The following BBS9 variants were observed in gnomAD, a reference collection of about 807,000 sequenced individuals.
BBS9 encodes protein PTHB1.
Under a neutral mutation model 117.7 loss-of-function variants are expected in BBS9, and 89 were observed. The ratio of observed to expected loss-of-function variants is 0.76; its 90% CI spans 0.64 to 0.90. BBS9 has a LOEUF of 0.90. BBS9 is among the 40% of genes least tolerant of loss of function. The probability of loss-of-function intolerance (pLI) is 0.00; values close to 1 mark genes in which losing one functional copy is unlikely to be tolerated. For synonymous variants in BBS9, 379 were observed against 370.9 expected (o/e 1.02, Z -0.25); for missense variants, 982 against 1,042.2 (o/e 0.94, Z 0.80).
chr7:33,538,957 G>A (rs1280907911), intron 21 of BBS9, among the ~76,000 whole-genome samples: 1 of 152,108 alleles, frequency 6.6e-6, no homozygotes, highest in Non-Finnish European at 1.5e-5. Context: ...CTTCACTATA[G>A]ATTTGTTGGC....
intron 21 of BBS9, among the ~76,000 whole-genome samples, chr7:33,591,528 A>G (rs1861916248): frequency 6.6e-6 from 1 of 151,956 alleles, no homozygotes; most frequent in African/African-American, 2.4e-5. Context: ...ACTTGCCAAC[A>G]CCCGTAAAGT....
intron 5 of BBS9, among the ~76,000 whole-genome samples, chr7:33,225,124 G>A (rs2128245216): frequency 6.6e-6 from 1 of 152,178 alleles, no homozygotes; most frequent in Middle Eastern, 3.4e-3. Flanking sequence ...AGTAGTTGTT[G>A]TTTTCATATT....
At chr7:33,364,925 C>G (rs1382767468) in intron 16 of BBS9, among the ~76,000 whole-genome samples, 1 of 151,322 alleles carries the variant, frequency 6.6e-6, no homozygotes, top group Non-Finnish European at 1.5e-5. Context: ...GACAAGGTTT[C>G]ACTTTGTTAC....
intron 19 of BBS9, among the ~76,000 whole-genome samples, chr7:33,487,321 G>T (rs918345888): frequency 6.6e-6 from 1 of 152,098 alleles, no homozygotes; most frequent in African/African-American, 2.4e-5. Context: ...TGAACAGTAG[G>T]CCTCAGTTTG....
At chr7:33,375,424 A>G (rs1252935630) in intron 17 of BBS9, among the ~76,000 whole-genome samples, 2 of 152,100 alleles carry the variant, frequency 1.3e-5, no homozygotes, top group Non-Finnish European at 2.9e-5. Context: ...CAGGGATAGT[A>G]TTAACCATCT....
At chr7:33,162,086 C>T (rs1794946353) in intron 4 of BBS9, among the ~76,000 whole-genome samples, 1 of 152,044 alleles carries the variant, frequency 6.6e-6, no homozygotes, top group Non-Finnish European at 1.5e-5. Flanking sequence ...GTTCACGCTG[C>T]TGGTAGTTTT....
chr7:33,543,926 G>C (rs1852830794), intron 21 of BBS9, among the ~76,000 whole-genome samples: 1 of 152,024 alleles, frequency 6.6e-6, no homozygotes, highest in Admixed American at 6.5e-5. Flanking sequence ...TTGTTGGATT[G>C]GGTTAATTCA....
chr7:33,243,949 C>T (rs1033366289), intron 5 of BBS9, among the ~76,000 whole-genome samples: 52 of 152,098 alleles, frequency 3.4e-4, no homozygotes, highest in African/African-American at 9.9e-4. Flanking sequence ...TGGGGCCAGG[C>T]GGAGTGGCTC....
intron 10 of BBS9, among the ~76,000 whole-genome samples, chr7:33,339,657 A>T (rs771078955): frequency 3.3e-5 from 5 of 152,148 alleles, no homozygotes; most frequent in Non-Finnish European, 5.9e-5. Flanking sequence ...TATGATTTCC[A>T]GGGAAGAATC....
At chr7:33,553,866 G>A (rs1854854555) in intron 21 of BBS9, among the ~76,000 whole-genome samples, 1 of 152,102 alleles carries the variant, frequency 6.6e-6, no homozygotes, top group Admixed American at 6.6e-5. Flanking sequence ...CTTACATTCT[G>A]GGGGATGAGC....
At chr7:33,603,831 G>A (rs574770986) in intron 21 of BBS9, among the ~76,000 whole-genome samples, 5 of 152,230 alleles carry the variant, frequency 3.3e-5, no homozygotes, top group African/African-American at 9.6e-5. Flanking sequence ...CCTCAGCATC[G>A]ATTTCTGTTT....
intron 19 of BBS9, among the ~76,000 whole-genome samples, chr7:33,504,828 T>G (rs1845919596): frequency 6.6e-6 from 1 of 151,862 alleles, no homozygotes; most frequent in Non-Finnish European, 1.5e-5. Flanking sequence ...TTTGGCATTG[T>G]AAAGTTAACA....
intron 21 of BBS9, among the ~76,000 whole-genome samples, chr7:33,578,031 C>T (rs890705535): frequency 1.3e-5 from 2 of 152,124 alleles, no homozygotes; most frequent in Non-Finnish European, 2.9e-5. Context: ...TGCACATGTA[C>T]CCTAGAACTT....
At chr7:33,231,884 A>G (rs1005813515) in intron 5 of BBS9, among the ~76,000 whole-genome samples, 10 of 152,066 alleles carry the variant, frequency 6.6e-5, no homozygotes, top group Non-Finnish European at 1.5e-4. Context: ...ATATGCCATT[A>G]TGGGATAAAT....
intron 5 of BBS9, among the ~76,000 whole-genome samples, chr7:33,230,454 G>A (rs956214265): frequency 1.3e-5 from 2 of 152,166 alleles, no homozygotes; most frequent in Admixed American, 1.3e-4. Context: ...AGGTATAAGT[G>A]TTTTTGCTTA....
intron 19 of BBS9, among the ~76,000 whole-genome samples, chr7:33,462,430 A>C (rs1839603569): frequency 6.6e-6 from 1 of 152,116 alleles, no homozygotes; most frequent in Non-Finnish European, 1.5e-5. Flanking sequence ...GAGTAAATTT[A>C]ACTCTTAAGT....
chr7:33,534,505 C>T lies in BBS9; in HGVS notation c.2521+329C>T, dbSNP rs377544133. The T allele has an allele frequency of 4.4e-3, 1,776 of 400,390 alleles. 58 individuals are homozygous for T. Among genetic ancestry groups the T allele is most frequent in the South Asian group, 0.038 (1,717 of 45,240 alleles). The allele number at this position is 400,390 out of a possible 1,614,324, so 24.8% of individuals were successfully genotyped here. On this transcript the variant is annotated intron_variant, in intron 21 of 22. Transcript: ENST00000242067. Reference sequence around the variant, plus strand: ...AAAAGTTTTACTAAATGTGATCTCGCGATACAATATTTCGTAAATGTAAAT... The same window carrying T: ...AAAAGTTTTACTAAATGTGATCTCGTGATACAATATTTCGTAAATGTAAAT...
chr7:33,543,358 T>C (rs1449625247), intron 21 of BBS9, among the ~76,000 whole-genome samples: 2 of 152,056 alleles, frequency 1.3e-5, no homozygotes, highest in African/African-American at 4.8e-5. Context: ...TGGATATTAC[T>C]CCCTTGTCAG....
chr7:33,614,687 T>A (rs1865045902), intron 21 of BBS9, among the ~76,000 whole-genome samples: 1 of 151,838 alleles, frequency 6.6e-6, no homozygotes, highest in South Asian at 2.1e-4. Flanking sequence ...AGGCCCAGAG[T>A]GGACAGGTCT....
Sources: gnomAD v4.1 joint callset for allele counts (sites outside exome capture counted in the v4.1 genomes callset) on GRCh38, gnomAD v4.1.1 for gene constraint, MANE v1.5 for transcripts, NCBI Gene and HGNC (gene_info 2026-07-23, HGNC 2026-07-21) for gene names.